The following OTOP2 variants were observed in gnomAD, a reference collection of about 807,000 sequenced individuals.
The protein encoded by OTOP2 is proton channel OTOP2.
Under a neutral mutation model 47.4 loss-of-function variants are expected in OTOP2, and 41 were observed. The ratio of observed to expected loss-of-function variants is 0.87; its 90% CI spans 0.67 to 1.12. OTOP2 has a LOEUF of 1.12. Among genes scored for constraint, OTOP2 ranks in the 50% most tolerant of loss-of-function variants. The pLI is 0.00. For synonymous variants in OTOP2, 328 were observed against 319.6 expected (o/e 1.03, Z -0.28); for missense variants, 721 against 752.2 (o/e 0.96, Z 0.49).
rs745692823 is a variant in OTOP2, at chr17:74,930,681, T to A, written c.1046T>A (p.Ile349Asn). The A allele has an allele frequency of 1.9e-5, 31 of 1,613,942 alleles. No homozygotes were observed. The highest frequency in any genetic ancestry group is 2.4e-5 in the Non-Finnish European group (28 of 1,180,018). Residue 349 changes from isoleucine (I) to asparagine (N), a missense_variant, in exon 6 of 7, where the codon ATC (isoleucine) becomes AAC (asparagine). By Grantham distance (149) the Ile-to-Asn change is moderately radical (BLOSUM62 -3). Coordinates refer to ENST00000331427, the MANE Select transcript of OTOP2 (RefSeq NM_178160.3). The surrounding 1 kb of genome is among the most constrained non-coding windows in gnomAD (Gnocchi z 4.0). ...TTGGTCAGCCTGAGCGGCTCCATCATCTACCGTTTTGACCGCCGGGCCATG... is the reference window on the plus strand; with the variant it reads ...TTGGTCAGCCTGAGCGGCTCCATCAACTACCGTTTTGACCGCCGGGCCATG... ...TTLVSLSGSI[I>N]YRFDRRAMDH... is the part of the protein sequence containing the mutation.
rs1341992660 is a variant in OTOP2 at position 74,924,812 on chromosome 17, C to T, written c.180C>T (p.Thr60=). Residue 60 remains threonine, a synonymous_variant, in exon 2 of 7, where the codon ACC becomes ACT. Transcript: ENST00000331427. The surrounding 1 kb of genome is among the most constrained non-coding windows in gnomAD (Gnocchi z 7.7). ...GAFNKVAVYD[T]DVFALLTAMM... ...TCAACAAGGTGGCCGTGTACGACAC[C>T]GACGTGTTCGCGCTGCTCACTGCGA... The T allele has an allele frequency of 6.2e-7, 1 of 1,611,500 alleles. No homozygotes were observed. Among genetic ancestry groups the T allele is most frequent in the African/African-American group, 1.3e-5 (1 of 74,908 alleles).
At chr17:74,928,067 G>T (rs2039025697) in intron 5 of OTOP2, 4 of 439,218 alleles carry the variant, frequency 9.1e-6, no homozygotes, top group Non-Finnish European at 1.2e-5. Flanking sequence ...CCAGGACCAG[G>T]TGCAGTGGCT....
intron 5 of OTOP2, among the ~76,000 whole-genome samples, chr17:74,929,486 C>T (rs886835565): frequency 2.6e-5 from 4 of 152,024 alleles, no homozygotes; most frequent in South Asian, 2.1e-4. Flanking sequence ...AGTGCAGTGG[C>T]GCGATCTCGG....
At position 74,930,613 on chromosome 17, in the gene OTOP2, C is replaced by G. The variant is rs750495471; in HGVS notation, c.978C>G (p.Val326=). Residue 326 remains valine (V), a synonymous_variant, in exon 6 of 7, where the codon GTC becomes GTG. Transcript: ENST00000331427. The surrounding 1 kb of genome is among the most constrained non-coding windows in gnomAD (Gnocchi z 4.0). The part of the protein sequence containing the change: ...GDGSRTRQAL[V]IYYSFNIVCL... ...GGAGCCGCACCAGGCAGGCCCTGGT[C>G]ATCTACTACAGCTTCAACATTGTCT... The G allele has an allele frequency of 1.2e-6, 2 of 1,614,008 alleles. No individual in the cohort carries two copies. The highest frequency in any genetic ancestry group is 8.5e-7 in the Non-Finnish European group (1 of 1,180,020).
At position 74,930,940 on chromosome 17, in the gene OTOP2, C is replaced by T. The variant is rs140296900; in HGVS notation, c.1305C>T (p.His435=). 1 of 1,614,122 alleles carries T rather than the reference C, an allele frequency of 6.2e-7. No homozygotes were observed. The highest frequency in any genetic ancestry group is 8.5e-7 in the Non-Finnish European group (1 of 1,180,024). The part of the protein sequence containing the change: ...LHRGPPGAEP[H]STHPKEPCQD... ...GAGGACCGCCCGGGGCTGAGCCTCA[C>T]AGTACCCACCCCAAGGAGCCCTGCC... The change falls in exon 6 of 7, where the codon CAC becomes CAT. Residue 435 remains histidine (H), a synonymous_variant. Coordinates refer to ENST00000331427, the MANE Select transcript of OTOP2 (RefSeq NM_178160.3). The surrounding 1 kb of genome is among the most constrained non-coding windows in gnomAD (Gnocchi z 4.0).
chr17:74,927,341 T>C lies in OTOP2; in HGVS notation c.509+60T>C. 3.2e-6 allele frequency: 5 copies of C among 1,541,890 alleles called. No homozygotes were observed. In the South Asian group the frequency reaches 5.6e-5, roughly 17 times the overall value. On this transcript the variant is annotated intron_variant, in intron 4 of 6. Coordinates refer to ENST00000331427, the MANE Select transcript of OTOP2 (RefSeq NM_178160.3). Reference sequence around the variant, plus strand: ...GCTGGTGTTCACCTTGCAGGAGAGATTCAGGCTTTCCACCCTGGGGCAGGG... The same window carrying C: ...GCTGGTGTTCACCTTGCAGGAGAGACTCAGGCTTTCCACCCTGGGGCAGGG...
chr17:74,933,408 C>CA lies in OTOP2; in HGVS notation c.1553dup (p.His518GlnfsTer146), dbSNP rs753689590. The CA allele has an allele frequency of 1.2e-6, 2 of 1,613,438 alleles. No individual in the cohort carries two copies. Among genetic ancestry groups the CA allele is most frequent in the South Asian group, 2.2e-5 (2 of 91,028 alleles). ...CATGCCTGCCTTCGGGGCCCGCCCT[C>CA]ATTTCAGCAACACAGTGGAGGTGGA... On this transcript the variant is annotated frameshift_variant, in exon 7 of 7. Transcript: ENST00000331427. LOFTEE classifies it high-confidence loss of function. The surrounding 1 kb of genome is among the most constrained non-coding windows in gnomAD (Gnocchi z 4.7).
At position 74,924,523 on chromosome 17, in the gene OTOP2, C is replaced by A. The variant is rs1457273317; in HGVS notation, c.-33-77C>A. On this transcript the variant is annotated intron_variant, in intron 1 of 6. Coordinates refer to ENST00000331427, the MANE Select transcript of OTOP2 (RefSeq NM_178160.3). The surrounding 1 kb of genome is among the most constrained non-coding windows in gnomAD (Gnocchi z 7.7). ...CCCTGCGGGTCAGGAACTCCCTAGTCCCCAAGTCTAGGGATGAGATGGGGG... is the reference window on the plus strand; with the variant it reads ...CCCTGCGGGTCAGGAACTCCCTAGTACCCAAGTCTAGGGATGAGATGGGGG... The A allele has an allele frequency of 3.8e-6, 5 of 1,321,356 alleles. No homozygotes were observed. 81.9% of individuals were successfully genotyped at this position (1,321,356 alleles called of 1,614,324 possible). A position where few individuals can be genotyped will look rare whatever the true frequency, so the allele number is the denominator to read the frequency against.
In OTOP2 at chr17:74,924,292, TC is replaced by T; in HGVS notation, c.-71del. 3.1e-6 allele frequency: 1 copy of T among 323,688 alleles called. No individual in the cohort carries two copies. 20.1% of individuals were successfully genotyped at this position (323,688 alleles called of 1,614,324 possible). On this transcript the variant is annotated 5_prime_UTR_variant, in exon 1 of 7. Transcript: ENST00000331427. The surrounding 1 kb of genome is among the most constrained non-coding windows in gnomAD (Gnocchi z 7.7). ...CGTGGGAGAGAGGAGACGCTCGCCG[TC>T]CCCTGACCCCCAGCTCAGCGCCGGC...
At chr17:74,929,436 G>A (rs1455700230) in intron 5 of OTOP2, among the ~76,000 whole-genome samples, 4 of 151,994 alleles carry the variant, frequency 2.6e-5, no homozygotes, top group African/African-American at 7.3e-5. Context: ...TTGTTTGTTT[G>A]TTTGTTTGAG....
intron 5 of OTOP2, among the ~76,000 whole-genome samples, chr17:74,928,647 G>T (rs897983032): frequency 6.6e-6 from 1 of 152,192 alleles, no homozygotes; most frequent in African/African-American, 2.4e-5. Flanking sequence ...AGAAACTAAG[G>T]CAGAGAGAGC....
chr17:74,930,755 G>T lies in OTOP2; in HGVS notation c.1120G>T (p.Gly374Cys), dbSNP rs1170232853. 7 of 1,614,070 alleles carry T rather than the reference G, an allele frequency of 4.3e-6. No individual in the cohort carries two copies. Among genetic ancestry groups the T allele is most frequent in the Non-Finnish European group, 5.9e-6 (7 of 1,180,024 alleles). ...TRTLDVALLM[G>C]AALGQYAISY... The stretch of plus-strand genomic sequence containing the variant: ...CACTCTGGACGTGGCCCTGCTGATG[G>T]GTGCCGCCCTGGGTCAGTACGCCAT... The change falls in exon 6 of 7, where the codon GGT becomes TGT. Residue 374 changes from glycine to cysteine, a missense_variant. Gly to Cys is a radical substitution (Grantham distance 159). Transcript: ENST00000331427. This position sits in a 1 kb window ranked among gnomAD's most constrained non-coding sequence, Gnocchi z 4.0.
intron 5 of OTOP2, among the ~76,000 whole-genome samples, chr17:74,929,171 C>A (rs1040651636): frequency 2.0e-5 from 3 of 152,154 alleles, no homozygotes; most frequent in Non-Finnish European, 4.4e-5. Flanking sequence ...CAAACACATT[C>A]TGGAATCAAG....
chr17:74,925,751 G>T, intron 3 of OTOP2, 59 bp downstream of exon 3: 1 of 1,605,888 alleles, frequency 6.2e-7, no homozygotes, highest in South Asian at 1.1e-5. Context: ...CATTGGGAAG[G>T]ACCCAACAAG....
chr17:74,931,953 C>CAA (rs5822060), intron 6 of OTOP2, among the ~76,000 whole-genome samples: 4,220 of 83,976 alleles, frequency 0.05, 374 homozygotes, highest in African/African-American at 0.19. Flanking sequence ...GACACTCTGT[C>CAA]AAAAAAAAAA....
chr17:74,927,477 C>A, intron 4 of OTOP2, 188 bp from the exon 5 acceptor site: 1 of 1,019,930 alleles, frequency 9.8e-7, no homozygotes, highest in Non-Finnish European at 1.4e-6. Context: ...GTGGTGGTGG[C>A]CCCCGGGAAA....
intron 2 of OTOP2, 50 bp from the exon 3 acceptor site, chr17:74,925,506 C>T: frequency 6.2e-7 from 1 of 1,601,228 alleles, no homozygotes; most frequent in Non-Finnish European, 8.5e-7. Context: ...CAGGCCTTCT[C>T]TCCTGCCTCT....
In OTOP2 at chr17:74,930,971, C is replaced by A. The variant is rs1368763108; in HGVS notation, c.1336C>A (p.Leu446Ile). 1 of 1,614,160 alleles carries A rather than the reference C, an allele frequency of 6.2e-7. No individual in the cohort carries two copies. The highest frequency in any genetic ancestry group is 1.1e-5 in the South Asian group (1 of 91,082). Residue 446 changes from leucine to isoleucine, a missense_variant, in exon 6 of 7, where the codon CTC (leucine) becomes ATC (isoleucine). Leu to Ile is a conservative substitution (Grantham distance 5). Transcript: ENST00000331427. This position sits in a 1 kb window ranked among gnomAD's most constrained non-coding sequence, Gnocchi z 4.0. ...STHPKEPCQD[L>I]TFTNLDALHT... ...CCACCCCAAGGAGCCCTGCCAAGACCTCACCTTCACCAACCTGGATGCCCT... is the reference window on the plus strand; with the variant it reads ...CCACCCCAAGGAGCCCTGCCAAGACATCACCTTCACCAACCTGGATGCCCT...
At chr17:74,926,607 T>A (rs1382720323) in intron 3 of OTOP2, among the ~76,000 whole-genome samples, 2 of 151,288 alleles carry the variant, frequency 1.3e-5, no homozygotes, top group Non-Finnish European at 2.9e-5. Context: ...TTGACCCCCA[T>A]CTCCACACAA....
Sources: gnomAD v4.1 joint callset for allele counts (sites outside exome capture counted in the v4.1 genomes callset) on GRCh38, gnomAD v4.1.1 for gene constraint, Gnocchi (gnomAD v3.1) non-coding constraint, MANE v1.5 for transcripts, NCBI Gene and HGNC (gene_info 2026-07-23, HGNC 2026-07-21) for gene names.